FHL5: variants seen among roughly 807,000 people sequenced by gnomAD.
FHL5 encodes four and a half LIM domains protein 5.
In FHL5, 33 loss-of-function variants were observed where a neutral mutation model predicts 32.0. That is an observed-to-expected ratio of 1.03 (90% confidence interval 0.78 to 1.38). The LOEUF is 1.38. Among genes scored for constraint, FHL5 ranks in the 40% most tolerant of loss-of-function variants. FHL5 has a pLI of 0.00. For synonymous variants in FHL5, 114 were observed against 113.6 expected (o/e 1.00, Z -0.02); for missense variants, 336 against 343.9 (o/e 0.98, Z 0.18).
At chr6:96,588,012 T>A (rs1000783958) in intron 1 of FHL5, among the ~76,000 whole-genome samples, 2 of 152,214 alleles carry the variant, frequency 1.3e-5, no homozygotes, top group Non-Finnish European at 2.9e-5. Flanking sequence ...ATGGCTAGTA[T>A]AAACTCCGTG....
intron 1 of FHL5, among the ~76,000 whole-genome samples, chr6:96,577,555 CCAA>C (rs756588957): frequency 4.6e-5 from 7 of 152,130 alleles, no homozygotes; most frequent in Non-Finnish European, 1.0e-4. Context: ...GCTTATCTTT[CCAA>C]CTTTCACAGT....
chr6:96,581,965 C>T (rs1490642268), intron 1 of FHL5, among the ~76,000 whole-genome samples: 2 of 152,012 alleles, frequency 1.3e-5, no homozygotes, highest in African/African-American at 2.4e-5. Context: ...CAAGAAACAC[C>T]CTGCCCCAAC....
intron 1 of FHL5, among the ~76,000 whole-genome samples, chr6:96,563,813 A>G (rs1055152425): frequency 1.2e-4 from 18 of 152,188 alleles, no homozygotes; most frequent in Admixed American, 3.9e-4. Context: ...GGTTTTAAGT[A>G]AAAGGAGTTA....
intron 4 of FHL5, 94 bp downstream of exon 4, chr6:96,606,165 T>C: frequency 3.8e-6 from 4 of 1,060,276 alleles, no homozygotes. Flanking sequence ...TATTATGTTA[T>C]ATCTGTAATC....
chr6:96,584,438 T>C (rs1056838762), intron 1 of FHL5, among the ~76,000 whole-genome samples: 2 of 103,776 alleles, frequency 1.9e-5, no homozygotes, highest in African/African-American at 8.3e-5. Context: ...GTGGGATATG[T>C]GTGTGTGTGT....
intron 1 of FHL5, among the ~76,000 whole-genome samples, chr6:96,602,449 T>C (rs1771173119): frequency 2.5e-5 from 3 of 119,186 alleles, no homozygotes; most frequent in African/African-American, 3.5e-5. Context: ...TTTTTTTTTT[T>C]TTTTTTTTTT....
chr6:96,575,868 G>A (rs929158722), intron 1 of FHL5, among the ~76,000 whole-genome samples: 1 of 152,130 alleles, frequency 6.6e-6, no homozygotes, highest in African/African-American at 2.4e-5. Flanking sequence ...GTGTTTAGTT[G>A]GCCAAAAAGA....
At position 96,604,934 on chromosome 6, in the gene FHL5, C is replaced by T. The variant is rs1340847855; in HGVS notation, c.334+10C>T. ...AGGACCATCATGCCTGGTAGGGTCT[C>T]AAGGGGGCTCCTGTCTCTAACTGAA... On this transcript the variant is annotated intron_variant, in intron 3 of 5. Transcript: ENST00000450218. 1.3e-6 allele frequency: 2 copies of T among 1,582,884 alleles called. No homozygotes were observed. Among genetic ancestry groups the T allele is most frequent in the African/African-American group, 1.4e-5 (1 of 73,850 alleles).
intron 1 of FHL5, among the ~76,000 whole-genome samples, chr6:96,567,822 A>ATTGTTTTTTTTTTTTT (rs1770390999): frequency 1.2e-5 from 1 of 83,350 alleles, no homozygotes. Context: ...TGGTTTTTGT[A>ATTGTTTTTTTTTTTTT]TTCTTTTTTT....
chr6:96,609,184 A>T (rs897302413), intron 4 of FHL5, among the ~76,000 whole-genome samples: 1 of 152,148 alleles, frequency 6.6e-6, no homozygotes, highest in African/African-American at 2.4e-5. Flanking sequence ...CTTTAGAATA[A>T]TTTTTTCACA....
intron 4 of FHL5, 113 bp from the exon 5 acceptor site, chr6:96,610,459 T>C (rs941783022): frequency 1.3e-6 from 1 of 767,312 alleles, no homozygotes; most frequent in African/African-American, 1.7e-5. Flanking sequence ...GATCTTTTTT[T>C]TTTCTTTTTG....
rs1562059623 is a variant in FHL5 at position 96,594,248 on chromosome 6, TA to T, written c.-12-9353del. 3.6e-4 allele frequency among the ~76,000 whole-genome samples: 41 copies of T among 113,506 alleles called. 1 individual carries two copies. Among genetic ancestry groups the T allele is most frequent in the African/African-American group, 1.1e-3 (36 of 33,500 alleles). The allele number at this position is 113,506 out of a possible 152,430, so 74.5% of individuals were successfully genotyped here. ...GAATTTATATATATATATATATATA[TA>T]TATATATATATATATATATATATAT... On this transcript the variant is annotated intron_variant, in intron 1 of 5. Transcript: ENST00000450218.
At chr6:96,579,156 G>A (rs1770647730) in intron 1 of FHL5, among the ~76,000 whole-genome samples, 2 of 152,200 alleles carry the variant, frequency 1.3e-5, no homozygotes, top group African/African-American at 4.8e-5. Flanking sequence ...CATTCATTTG[G>A]TACAAAATTC....
chr6:96,603,753 C>T lies in FHL5; in HGVS notation c.140C>T (p.Pro47Leu). The change falls in exon 2 of 6, where the codon CCA becomes CTA. Residue 47 changes from proline (P) to leucine (L), a missense_variant. Transcript: ENST00000450218. ...AACTATTGCGAGGAATGCAAAAAAC[C>T]AATTGAATCTGATTCTAAGGTAAGT... ...FSNYCEECKKPIESDSKDLCY... is the reference protein window; with the variant it reads ...FSNYCEECKKLIESDSKDLCY... 6.2e-7 allele frequency: 1 copy of T among 1,609,282 alleles called. No homozygotes were observed. The highest frequency in any genetic ancestry group is 8.5e-7 in the Non-Finnish European group (1 of 1,177,974).
chr6:96,574,201 TTAAAG>T (rs1770541145), intron 1 of FHL5, among the ~76,000 whole-genome samples: 2 of 152,202 alleles, frequency 1.3e-5, no homozygotes, highest in Non-Finnish European at 2.9e-5. Context: ...TATATATTCT[TTAAAG>T]TAGTGTACAG....
intron 2 of FHL5, among the ~76,000 whole-genome samples, chr6:96,604,038 G>A (rs1243554602): frequency 6.6e-6 from 1 of 152,138 alleles, no homozygotes; most frequent in Non-Finnish European, 1.5e-5. Context: ...AAGTTACACA[G>A]CTAGAATTTT....
intron 4 of FHL5, among the ~76,000 whole-genome samples, chr6:96,609,204 A>C (rs942690336): frequency 1.3e-5 from 2 of 152,220 alleles, no homozygotes; most frequent in African/African-American, 4.8e-5. Flanking sequence ...AAGTCTATGT[A>C]ACAGACAAAT....
In FHL5 at chr6:96,617,432, G is replaced by A. The variant is rs898843916; in HGVS notation, c.*1660G>A. ...AGTTTAAAATGCAAGAATATTCAGC[G>A]ATGTTAATAATTTAGAGATACTAAT... On this transcript the variant is annotated 3_prime_UTR_variant, in exon 6 of 6. Coordinates refer to ENST00000450218, the MANE Select transcript of FHL5 (RefSeq NM_001322466.2). Among the ~76,000 whole-genome samples, 2 of 152,120 alleles carry A rather than the reference G, an allele frequency of 1.3e-5. No homozygotes were observed. Among genetic ancestry groups the A allele is most frequent in the African/African-American group, 4.8e-5 (2 of 41,424 alleles).
intron 1 of FHL5, among the ~76,000 whole-genome samples, chr6:96,578,658 G>A (rs563170201): frequency 5.9e-5 from 9 of 151,920 alleles, no homozygotes; most frequent in Non-Finnish European, 1.0e-4. Flanking sequence ...CCTGGCCAAC[G>A]TGTCGAAACC....
Sources: gnomAD v4.1 joint callset for allele counts (sites outside exome capture counted in the v4.1 genomes callset) on GRCh38, gnomAD v4.1.1 for gene constraint, MANE v1.5 for transcripts, NCBI Gene and HGNC (gene_info 2026-07-23, HGNC 2026-07-21) for gene names.